Variants in BMP7 observed in about 807,000 individuals in gnomAD.
The protein encoded by BMP7 is osteogenic protein 1.
In BMP7, 12 loss-of-function variants were observed where a neutral mutation model predicts 41.2. That is an observed-to-expected ratio of 0.29 (90% CI 0.19 to 0.47). BMP7 has a LOEUF of 0.47. Among genes scored for constraint, BMP7 ranks in the 20% least tolerant of loss-of-function variants. BMP7 has a pLI of 0.99. For synonymous variants in BMP7, 248 were observed against 250.0 expected (o/e 0.99, Z 0.07); for missense variants, 467 against 606.0 (o/e 0.77, Z 2.41).
intron 1 of BMP7, among the ~76,000 whole-genome samples, chr20:57,258,060 A>G (rs1008506376): frequency 3.3e-5 from 5 of 152,220 alleles, no homozygotes; most frequent in Non-Finnish European, 7.4e-5. Flanking sequence ...GCAAGTTTTT[A>G]TTCGTGGCCA....
intron 1 of BMP7, among the ~76,000 whole-genome samples, chr20:57,243,127 G>A (rs555204431): frequency 2.0e-5 from 3 of 152,298 alleles, no homozygotes; most frequent in African/African-American, 7.2e-5. Context: ...TAGCACCAAG[G>A]GTTTGCAGGG....
At chr20:57,265,145 G>A (rs1443350116) in intron 1 of BMP7, among the ~76,000 whole-genome samples, 3 of 152,250 alleles carry the variant, frequency 2.0e-5, no homozygotes, top group Non-Finnish European at 4.4e-5. Context: ...CTCCAGCCAA[G>A]AGAGAATGGG....
At chr20:57,222,198 C>T (rs1016526502) in intron 2 of BMP7, among the ~76,000 whole-genome samples, 18 of 152,284 alleles carry the variant, frequency 1.2e-4, no homozygotes, top group Admixed American at 3.3e-4. Context: ...ACTCAGCAAA[C>T]GGAATCTGTT....
intron 2 of BMP7, among the ~76,000 whole-genome samples, chr20:57,219,508 G>A (rs1985135864): frequency 6.6e-6 from 1 of 152,118 alleles, no homozygotes; most frequent in Admixed American, 6.5e-5. Context: ...TGAGTGTGGG[G>A]ATGTGTCATT....
At chr20:57,197,805 G>C (rs1377832143) in intron 3 of BMP7, among the ~76,000 whole-genome samples, 3 of 152,208 alleles carry the variant, frequency 2.0e-5, no homozygotes, top group Non-Finnish European at 2.9e-5. Flanking sequence ...ACAGACAAAG[G>C]AACAAGACCC....
intron 1 of BMP7, among the ~76,000 whole-genome samples, chr20:57,253,866 A>G (rs2066123543): frequency 6.6e-6 from 1 of 152,170 alleles, no homozygotes; most frequent in Admixed American, 6.5e-5. Flanking sequence ...ACCACAGGGC[A>G]TTTGACAAAA....
At position 57,213,478 on chromosome 20, in the gene BMP7, A is replaced by G. The variant is rs180907394; in HGVS notation, c.612-10855T>C. On this transcript the variant is annotated intron_variant, in intron 2 of 6. Coordinates refer to ENST00000395863, the MANE Select transcript of BMP7 (RefSeq NM_001719.3). This position sits in a 1 kb window ranked among gnomAD's most constrained non-coding sequence, Gnocchi z 4.4. ...CCTTAGAGATGTCATAATGCACCTT[A>G]GCTCTTTAAAGGCTCTGAAAAGTCC... Among the ~76,000 whole-genome samples, 3 of 152,342 alleles carry G rather than the reference A, an allele frequency of 2.0e-5. No individual in the cohort carries two copies. The East Asian group carries it at 5.8e-4, about 29-fold the overall frequency.
chr20:57,223,237 A>AAT (rs1985233350), intron 2 of BMP7, among the ~76,000 whole-genome samples: 2 of 152,148 alleles, frequency 1.3e-5, no homozygotes, highest in Non-Finnish European at 2.9e-5. Context: ...CTCAAAAAAA[A>AAT]AAAAAAAAGG....
In BMP7 at chr20:57,183,969, C is replaced by G. The variant is rs375608259; in HGVS notation, c.761-50G>C. On this transcript the variant is annotated intron_variant, in intron 3 of 6. Coordinates refer to ENST00000395863, the MANE Select transcript of BMP7 (RefSeq NM_001719.3). ...CAGAAGAGTAGTTACAGGAGGGCCA[C>G]GAGCGGGACAGGGCTGCAGAGATGC... 1.3e-5 allele frequency: 21 copies of G among 1,594,446 alleles called. No homozygotes were observed. The African/African-American group carries it at 2.7e-4, about 20-fold the overall frequency.
intron 1 of BMP7, among the ~76,000 whole-genome samples, chr20:57,241,490 G>A (rs2066069534): frequency 6.6e-6 from 1 of 152,184 alleles, no homozygotes; most frequent in African/African-American, 2.4e-5. Flanking sequence ...GCCTGGCAAA[G>A]GGCACACAGG....
intron 6 of BMP7, among the ~76,000 whole-genome samples, chr20:57,172,802 T>C (rs1228298890): frequency 6.6e-6 from 1 of 152,198 alleles, no homozygotes; most frequent in Non-Finnish European, 1.5e-5. Flanking sequence ...ATTATCCTGC[T>C]GGCCAGCTTC....
rs2066147041 is a variant in BMP7, at chr20:57,259,822, C to T, written c.418+5883G>A. Among the ~76,000 whole-genome samples the T allele has an allele frequency of 6.6e-6, 1 of 152,200 alleles. No homozygotes were observed. The highest frequency in any genetic ancestry group is 2.4e-5 in the African/African-American group (1 of 41,434). On this transcript the variant is annotated intron_variant, in intron 1 of 6. Coordinates refer to ENST00000395863, the MANE Select transcript of BMP7 (RefSeq NM_001719.3). The surrounding 1 kb of genome is among the most constrained non-coding windows in gnomAD (Gnocchi z 4.7). ...TACACAGCAGCAGTCCTAGTATTCC[C>T]TGGCATTGCTATTTCAGTTTGAGTT...
intron 1 of BMP7, among the ~76,000 whole-genome samples, chr20:57,244,521 A>G (rs1454720107): frequency 2.0e-5 from 3 of 152,238 alleles, no homozygotes; most frequent in Non-Finnish European, 4.4e-5. Flanking sequence ...AGCGTGGGCC[A>G]TGGGGCCTGG....
intron 1 of BMP7, among the ~76,000 whole-genome samples, chr20:57,244,510 G>A (rs549887246): frequency 1.3e-5 from 2 of 152,356 alleles, no homozygotes; most frequent in South Asian, 4.1e-4. Flanking sequence ...AACTGGGGTT[G>A]AGCGTGGGCC....
At chr20:57,242,860 A>G (rs2123131452) in intron 1 of BMP7, among the ~76,000 whole-genome samples, 1 of 152,220 alleles carries the variant, frequency 6.6e-6, no homozygotes, top group Admixed American at 6.5e-5. Context: ...AAAATTAGCC[A>G]GGCATGGTGG....
At chr20:57,223,372 A>C (rs1384966291) in intron 2 of BMP7, among the ~76,000 whole-genome samples, 1 of 152,182 alleles carries the variant, frequency 6.6e-6, no homozygotes, top group Admixed American at 6.5e-5. Context: ...CACACCAATG[A>C]CAGTTCAACC....
At chr20:57,260,844 G>GC (rs984627174) in intron 1 of BMP7, among the ~76,000 whole-genome samples, 9 of 152,154 alleles carry the variant, frequency 5.9e-5, no homozygotes, top group Admixed American at 1.3e-4. Context: ...TGTGCCAACA[G>GC]CCCCCCCGCT....
intron 1 of BMP7, among the ~76,000 whole-genome samples, chr20:57,241,523 G>C (rs892930886): frequency 3.3e-5 from 5 of 152,194 alleles, no homozygotes; most frequent in African/African-American, 7.2e-5. Context: ...CCCTGTTCCT[G>C]AACTGCTTCA....
Position 57,171,708 on chromosome 20 carries a change from C to T in BMP7, c.1147-600G>A, listed in dbSNP as rs1983820396. On this transcript the variant is annotated intron_variant, in intron 6 of 6. Coordinates refer to ENST00000395863, the MANE Select transcript of BMP7 (RefSeq NM_001719.3). This position sits in a 1 kb window ranked among gnomAD's most constrained non-coding sequence, Gnocchi z 4.5. Reference sequence around the variant, plus strand: ...AAGACAGGCCAGAGATTCCACTGTCCTGTTGTTTTCAACGTGAAACTTCTG... The same window carrying T: ...AAGACAGGCCAGAGATTCCACTGTCTTGTTGTTTTCAACGTGAAACTTCTG... Among the ~76,000 whole-genome samples the T allele has an allele frequency of 6.6e-6, 1 of 152,244 alleles. No individual in the cohort carries two copies. Among genetic ancestry groups the T allele is most frequent in the African/African-American group, 2.4e-5 (1 of 41,458 alleles).
Sources: allele counts gnomAD v4.1 joint callset (sites outside exome capture counted in the v4.1 genomes callset), GRCh38; gene constraint gnomAD v4.1.1; non-coding constraint Gnocchi (gnomAD v3.1); transcripts MANE v1.5; gene names NCBI Gene and HGNC (gene_info 2026-07-23, HGNC 2026-07-21).